The following ADGRE3 variants were observed in gnomAD, a reference collection of about 807,000 sequenced individuals.
ADGRE3 encodes EGF-like module receptor 3.
ADGRE3 carries 88 observed loss-of-function variants against 80.1 expected under a neutral mutation model. The ratio of observed to expected loss-of-function variants is 1.10; its 90% CI spans 0.93 to 1.31. The LOEUF is 1.31. Among genes scored for constraint, ADGRE3 ranks in the 40% most tolerant of loss-of-function variants. The pLI is 0.00. For missense variants in ADGRE3, 715 were observed against 776.5 expected (o/e 0.92, Z 0.94); for synonymous variants, 281 against 294.8 (o/e 0.95, Z 0.48).
At chr19:14,601,982 C>T in the ADGRE3 span, among the ~76,000 whole-genome samples, 8 of 151,840 alleles carry the variant, frequency 5.3e-5, no homozygotes, top group Non-Finnish European at 7.4e-5. Context: ...TTAGTAGAGA[C>T]GGGGTTTCAC....
rs763522270 is a variant in ADGRE3 at position 14,632,897 on chromosome 19, G to A, written c.1643+24C>T. The A allele has an allele frequency of 2.7e-6, 4 of 1,488,692 alleles. No homozygotes were observed. The African/African-American group carries it at 4.1e-5, about 15-fold the overall frequency. 92.2% of individuals were successfully genotyped at this position (1,488,692 alleles called of 1,614,324 possible). A position where few individuals can be genotyped will look rare whatever the true frequency, so the allele number is the denominator to read the frequency against. On this transcript the variant is annotated intron_variant, in intron 13 of 15. Transcript: ENST00000253673. ...GGACTGGCAGAAGGAAAGGGAATAG[G>A]AAGTACCATTTGTCACATCCTACCT...
chr19:14,607,834 C>T, the ADGRE3 span, among the ~76,000 whole-genome samples: 10 of 151,800 alleles, frequency 6.6e-5, no homozygotes, highest in East Asian at 1.9e-3. Flanking sequence ...CCTTGGCCTC[C>T]CAAAGTGTTG....
Position 14,648,232 on chromosome 19 carries a change from C to T in ADGRE3, c.698-867G>A, listed in dbSNP as rs572704169. 2.8e-4 allele frequency among the ~76,000 whole-genome samples: 43 copies of T among 152,170 alleles called. No individual in the cohort carries two copies. In the South Asian group the frequency reaches 6.2e-3, roughly 22 times the overall value. On this transcript the variant is annotated intron_variant, in intron 7 of 15. Transcript: ENST00000253673. ...TGTAGGTACGGTGGGCACCCTGGCT[C>T]GAATCCCTGGCATTCTTGGTTTCTT...
the ADGRE3 span, among the ~76,000 whole-genome samples, chr19:14,604,890 T>C: frequency 3.3e-5 from 5 of 152,096 alleles, no homozygotes; most frequent in Admixed American, 3.3e-4. Context: ...TAGATTATAG[T>C]AAAAAATTCT....
intron 15 of ADGRE3, among the ~76,000 whole-genome samples, chr19:14,620,085 C>T (rs547801767): frequency 5.3e-5 from 8 of 152,212 alleles, no homozygotes; most frequent in Admixed American, 1.3e-4. Context: ...CATTGCCTGG[C>T]GACCTATCTG....
At chr19:14,620,979 T>G (rs1326846020) in intron 15 of ADGRE3, among the ~76,000 whole-genome samples, 82 of 152,250 alleles carry the variant, frequency 5.4e-4, no homozygotes, top group East Asian at 1.9e-4. Context: ...AGTCAACAGT[T>G]GGCACTTTTA....
intron 15 of ADGRE3, among the ~76,000 whole-genome samples, chr19:14,620,560 ATATATATATTTTTT>A (rs1970564564): frequency 4.2e-5 from 1 of 23,706 alleles, no homozygotes; most frequent in Non-Finnish European, 7.5e-5. Flanking sequence ...ATATATATAT[ATATATATATTTTTT>A]TTTTTTTTTT....
At chr19:14,654,118 A>T (rs1010833575) in intron 6 of ADGRE3, among the ~76,000 whole-genome samples, 4 of 151,560 alleles carry the variant, frequency 2.6e-5, no homozygotes, top group African/African-American at 9.7e-5. Flanking sequence ...ACGCCCCGCT[A>T]ATTTCTGTAT....
chr19:14,661,545 C>G (rs564382945), intron 4 of ADGRE3, among the ~76,000 whole-genome samples: 9 of 152,312 alleles, frequency 5.9e-5, no homozygotes, highest in African/African-American at 1.9e-4. Flanking sequence ...CATCTCCAAA[C>G]TATAGTTCCC....
At chr19:14,607,439 G>A in the ADGRE3 span, among the ~76,000 whole-genome samples, 1,684 of 151,778 alleles carry the variant, frequency 0.011, 26 homozygotes, top group African/African-American at 0.036. Flanking sequence ...TCCTGACCTC[G>A]TGATCTGCCC....
rs762634650 is a variant in ADGRE3, at chr19:14,625,522, G to T, written c.1890C>A (p.Ser630Arg). ...TGGGTTTTGAGTCAGGACCCATCTT[G>T]CTGGAAAGTGTGTATGTCTCAGACT... The part of the protein sequence containing the change: ...KSESETYTLS[S>R]KMGPDSKPSE... The change falls in exon 15 of 16, where the codon AGC becomes AGA. Residue 630 changes from serine to arginine, a missense_variant. Coordinates refer to ENST00000253673, the MANE Select transcript of ADGRE3 (RefSeq NM_032571.5). 3.1e-6 allele frequency: 5 copies of T among 1,613,014 alleles called. No individual in the cohort carries two copies. Among genetic ancestry groups the T allele is most frequent in the Non-Finnish European group, 4.2e-6 (5 of 1,179,022 alleles).
At chr19:14,648,615 G>A (rs1971484916) in intron 7 of ADGRE3, among the ~76,000 whole-genome samples, 1 of 152,180 alleles carries the variant, frequency 6.6e-6, no homozygotes, top group Admixed American at 6.5e-5. Flanking sequence ...CATGAGGCAT[G>A]GATGTTGCCA....
intron 4 of ADGRE3, among the ~76,000 whole-genome samples, chr19:14,660,476 A>G (rs1971915015): frequency 6.6e-6 from 1 of 152,050 alleles, no homozygotes; most frequent in Non-Finnish European, 1.5e-5. Flanking sequence ...AAAAATGAAT[A>G]AATTAGCCAG....
At chr19:14,647,715 G>A (rs1281272772) in intron 7 of ADGRE3, among the ~76,000 whole-genome samples, 8 of 151,646 alleles carry the variant, frequency 5.3e-5, no homozygotes, top group South Asian at 2.1e-4. Flanking sequence ...ACCATGCCCG[G>A]TCTGCCGTTT....
At chr19:14,600,258 C>A in the ADGRE3 span, 7 of 1,528,860 alleles carry the variant, frequency 4.6e-6, 1 homozygote, top group African/African-American at 9.7e-5. Context: ...ACATCCCTCC[C>A]TTCCCTGGAT....
At chr19:14,618,846 C>CAAAAAAAAAAAAAAAAAAAAAA, downstream of ADGRE3, among the ~76,000 whole-genome samples, 1 of 61,958 alleles carries the variant, frequency 1.6e-5, no homozygotes, top group Non-Finnish European at 2.8e-5. Flanking sequence ...AACTCCATCT[C>CAAAAAAAAAAAAAAAAAAAAAA]AAAAAAAAAA....
At chr19:14,628,201 C>T (rs1464973064) in intron 14 of ADGRE3, among the ~76,000 whole-genome samples, 2 of 151,372 alleles carry the variant, frequency 1.3e-5, no homozygotes, top group African/African-American at 4.9e-5. Context: ...GCCTCACAAA[C>T]TGAGATAAAC....
Position 14,638,106 on chromosome 19 carries a change from G to T in ADGRE3, c.1483C>A (p.Arg495=). The change falls in exon 11 of 16, where the codon CGA becomes AGA. Residue 495 remains arginine (R), a splice_region_variant and synonymous_variant. Transcript: ENST00000253673. ...SWPHLYGTAD[R]CWLHLDQGFM... ...ACACAAGGTGGGATTCAAGCTCACC[G>T]ATCAGCAGTTCCATAAAGGTGAGGC... 1 of 1,610,606 alleles carries T rather than the reference G, an allele frequency of 6.2e-7. No homozygotes were observed. Among genetic ancestry groups the T allele is most frequent in the Non-Finnish European group, 8.5e-7 (1 of 1,176,850 alleles).
chr19:14,662,832 C>T (rs1418444185), intron 3 of ADGRE3, among the ~76,000 whole-genome samples: 5 of 139,976 alleles, frequency 3.6e-5, no homozygotes, highest in Non-Finnish European at 1.5e-5. Flanking sequence ...TTTGGGAGGC[C>T]GAGGCGGGAG....
Sources: allele counts gnomAD v4.1 joint callset (sites outside exome capture counted in the v4.1 genomes callset), GRCh38; gene constraint gnomAD v4.1.1; transcripts MANE v1.5; gene names NCBI Gene and HGNC (gene_info 2026-07-23, HGNC 2026-07-21).